The following FHAD1 variants were observed in gnomAD, a reference collection of about 807,000 sequenced individuals.
The protein encoded by FHAD1 is forkhead-associated domain-containing protein 1.
In FHAD1, 146 loss-of-function variants were observed where a neutral mutation model predicts 191.3. The observed-to-expected ratio is 0.76, with a 90% CI of 0.67 to 0.88. The LOEUF (loss-of-function observed/expected upper bound fraction) is 0.88, where lower values mean the gene tolerates loss of function less well. Ranked by LOEUF, FHAD1 falls within the 40% of genes least tolerant of loss-of-function variation. The probability of loss-of-function intolerance (pLI) is 0.00; values close to 1 mark genes in which losing one functional copy is unlikely to be tolerated. For synonymous variants in FHAD1, 616 were observed against 672.3 expected (o/e 0.92, Z 1.29); for missense variants, 1,635 against 1,785.8 (o/e 0.92, Z 1.52).
chr1:15,383,851 CACAGCGGCTGGTAAGG>C (rs766000361), intron 31 of FHAD1: 64 of 446,788 alleles, frequency 1.4e-4, no homozygotes, highest in Non-Finnish European at 2.5e-4. Context: ...CCCAAGTGCA[CACAGCGGCTGGTAAGG>C]ACAGCTGGGA....
In FHAD1 at chr1:15,301,241, C is replaced by T. The variant is rs1012646814; in HGVS notation, c.715C>T (p.Arg239Cys). ...TCTGCTGCTGGGAAAAGAGGTCAGC[C>T]GTCTCTCAGATTATGAAATTGAATC... The part of the protein sequence containing the change: ...IILLLGKEVS[R>C]LSDYEIESKY... The change falls in exon 6 of 34, where the codon CGT (arginine) becomes TGT (cysteine). Residue 239 changes from arginine (R) to cysteine (C), a missense_variant. By Grantham distance (180) the Arg-to-Cys change is radical. Transcript: ENST00000688493. The T allele has an allele frequency of 2.4e-5, 38 of 1,551,550 alleles. No homozygotes were observed. Among genetic ancestry groups the T allele is most frequent in the South Asian group, 4.8e-5 (4 of 84,050 alleles).
upstream of FHAD1, among the ~76,000 whole-genome samples, chr1:15,242,231 TAAAA>T (rs36173259): frequency 9.0e-3 from 1,107 of 122,532 alleles, 9 homozygotes; most frequent in African/African-American, 0.019. Context: ...AGACTCCATC[TAAAA>T]AAAAAAAAAA....
At chr1:15,375,372 T>C (rs1699300432) in intron 27 of FHAD1, among the ~76,000 whole-genome samples, 1 of 152,060 alleles carries the variant, frequency 6.6e-6, no homozygotes, top group African/African-American at 2.4e-5. Flanking sequence ...CTTAGCAAAG[T>C]CCACCCTCAA....
intron 20 of FHAD1, among the ~76,000 whole-genome samples, chr1:15,354,694 A>G (rs534451875): frequency 1.9e-4 from 29 of 152,342 alleles, no homozygotes; most frequent in African/African-American, 6.7e-4. Flanking sequence ...AAAGTATATC[A>G]TGAAATCAAC....
chr1:15,303,974 G>A (rs1361723094), intron 6 of FHAD1, among the ~76,000 whole-genome samples: 3 of 152,216 alleles, frequency 2.0e-5, no homozygotes, highest in African/African-American at 7.2e-5. Flanking sequence ...GCTAAAGGAT[G>A]CAGTTGGTCT....
rs1246906001 is a variant in FHAD1 at position 15,381,482 on chromosome 1, A to G, written c.4022+31A>G. 7 of 1,517,308 alleles carry G rather than the reference A, an allele frequency of 4.6e-6. No individual in the cohort carries two copies. In the East Asian group the frequency reaches 1.2e-4, roughly 27 times the overall value. The allele number at this position is 1,517,308 out of a possible 1,614,324, so 94.0% of individuals were successfully genotyped here. A position where few individuals can be genotyped will look rare whatever the true frequency, so the allele number is the denominator to read the frequency against. On this transcript the variant is annotated intron_variant, in intron 30 of 33. Coordinates refer to ENST00000688493, the MANE Select transcript of FHAD1 (RefSeq NM_001391957.1). The surrounding 1 kb of genome is among the most constrained non-coding windows in gnomAD (Gnocchi z 4.6). ...TCGGCACCCCCATGTCCCCACAGAA[A>G]GGCCCGGGCCTCCCTTCTCCTGGCT...
At chr1:15,239,020 G>A (rs1645076510) in intron 1 of FHAD1, among the ~76,000 whole-genome samples, 1 of 152,072 alleles carries the variant, frequency 6.6e-6, no homozygotes, top group Non-Finnish European at 1.5e-5. Context: ...CAATCCTCCT[G>A]CCTCAGCCTC....
Position 15,341,979 on chromosome 1 carries a change from A to G in FHAD1, c.2130+91A>G, listed in dbSNP as rs1036424001. 9 of 1,128,562 alleles carry G rather than the reference A, an allele frequency of 8.0e-6. No homozygotes were observed. The East Asian group carries it at 1.1e-4, about 14-fold the overall frequency. The allele number at this position is 1,128,562 out of a possible 1,614,324, so 69.9% of individuals were successfully genotyped here. ...TTGAGGGCATGTACTTAGACAGAGA[A>G]ATCTCAGCTACTCTGTTTGGTGCCA... is the stretch of plus-strand genomic sequence containing the variant. On this transcript the variant is annotated intron_variant, in intron 16 of 33. Transcript: ENST00000688493.
In FHAD1 at chr1:15,276,532, G is replaced by A. The variant is rs1055087120; in HGVS notation, c.300+4003G>A. ...GTATAGCCTAGGGGCCGGGCGTGGT[G>A]ACTCATGCCTGTAATCCCAGCACTT... is the stretch of plus-strand genomic sequence containing the variant. On this transcript the variant is annotated intron_variant, in intron 3 of 33. Coordinates refer to ENST00000688493, the MANE Select transcript of FHAD1 (RefSeq NM_001391957.1). This position sits in a 1 kb window ranked among gnomAD's most constrained non-coding sequence, Gnocchi z 4.7. 1.6e-4 allele frequency among the ~76,000 whole-genome samples: 25 copies of A among 152,174 alleles called. No homozygotes were observed. The highest frequency in any genetic ancestry group is 5.8e-4 in the African/African-American group (24 of 41,444).
intron 2 of FHAD1, among the ~76,000 whole-genome samples, chr1:15,257,144 G>A (rs942732945): frequency 5.3e-5 from 8 of 152,092 alleles, no homozygotes; most frequent in African/African-American, 1.9e-4. Flanking sequence ...ATCATTTCAC[G>A]GACGTGCGAG....
Position 15,289,540 on chromosome 1 carries a change from T to G in FHAD1, c.442T>G (p.Trp148Gly). The change falls in exon 4 of 34, where the codon TGG (tryptophan) becomes GGG (glycine). Residue 148 changes from tryptophan (W) to glycine (G), a missense_variant. Trp to Gly is a radical substitution (Grantham distance 184). Coordinates refer to ENST00000688493, the MANE Select transcript of FHAD1 (RefSeq NM_001391957.1). The surrounding 1 kb of genome is among the most constrained non-coding windows in gnomAD (Gnocchi z 4.2). ...CCAGCCAGCACCGATGCAAAGGAGCTGGTCCCAGGCCTTTCCCAGACCCAC... is the reference window on the plus strand; with the variant it reads ...CCAGCCAGCACCGATGCAAAGGAGCGGGTCCCAGGCCTTTCCCAGACCCAC... ...GVQPAPMQRS[W>G]SQAFPRPTVV... 2 of 1,551,830 alleles carry G rather than the reference T, an allele frequency of 1.3e-6. No individual in the cohort carries two copies. The highest frequency in any genetic ancestry group is 1.7e-6 in the Non-Finnish European group (2 of 1,147,020).
chr1:15,360,228 G>A (rs1428475479), intron 21 of FHAD1, among the ~76,000 whole-genome samples: 1 of 152,186 alleles, frequency 6.6e-6, no homozygotes. Context: ...AAAGTGTCTG[G>A]GGCTACTCCT....
chr1:15,296,251 ATTTTTTT>A (rs779409884), intron 4 of FHAD1, among the ~76,000 whole-genome samples: 1 of 134,598 alleles, frequency 7.4e-6, no homozygotes, highest in Non-Finnish European at 1.6e-5. Flanking sequence ...CCACTTTGTA[ATTTTTTT>A]TTTTTTTTTT....
chr1:15,277,518 A>G (rs1443610991), intron 3 of FHAD1, among the ~76,000 whole-genome samples: 4 of 152,262 alleles, frequency 2.6e-5, no homozygotes, highest in East Asian at 1.9e-4. Flanking sequence ...CAGTGTTCCC[A>G]AGATTGTGTA....
Position 15,374,620 on chromosome 1 carries a change from C to A in FHAD1, c.3566C>A (p.Ala1189Glu). 6.4e-7 allele frequency: 1 copy of A among 1,551,322 alleles called. No homozygotes were observed. The highest frequency in any genetic ancestry group is 1.2e-5 in the South Asian group (1 of 84,048). Residue 1189 changes from alanine to glutamate, a missense_variant, in exon 27 of 34, where the codon GCG becomes GAG. Transcript: ENST00000688493. ...GCGCGAATTAAAGAACTCGAGAAGG[C>A]GCGCTCACCAGGTAAGTCTCCTCCT... ...LRARIKELEK[A>E]RSPDHKDHQN... is the part of the protein sequence containing the mutation.
At chr1:15,341,649 AGGTAAACAATT>A (rs1474978508) in intron 15 of FHAD1, 76 bp from the exon 16 acceptor site, 2 of 1,182,158 alleles carry the variant, frequency 1.7e-6, no homozygotes, top group African/African-American at 3.1e-5. Context: ...GTACCCAGAA[AGGTAAACAATT>A]GGTAAACAAA....
intron 17 of FHAD1, 58 bp from the exon 18 acceptor site, chr1:15,345,358 C>A: frequency 6.8e-7 from 1 of 1,480,280 alleles, no homozygotes; most frequent in Non-Finnish European, 9.2e-7. Flanking sequence ...CGGTGCCTGG[C>A]AGAGTCCAGT....
intron 3 of FHAD1, among the ~76,000 whole-genome samples, chr1:15,282,012 C>T (rs997508749): frequency 1.3e-5 from 2 of 152,138 alleles, no homozygotes; most frequent in African/African-American, 2.4e-5. Flanking sequence ...CTAGCCTTGG[C>T]CACTGGAGCG....
rs1675224228 is a variant in FHAD1, at chr1:15,318,511, G to A, written c.1365+583G>A. Among the ~76,000 whole-genome samples, 1 of 152,140 alleles carries A rather than the reference G, an allele frequency of 6.6e-6. No individual in the cohort carries two copies. Among genetic ancestry groups the A allele is most frequent in the Admixed American group, 6.5e-5 (1 of 15,276 alleles). On this transcript the variant is annotated intron_variant, in intron 10 of 33. Transcript: ENST00000688493. This position sits in a 1 kb window ranked among gnomAD's most constrained non-coding sequence, Gnocchi z 4.1. ...TAGCCAGATGTGGTGGCGGAGGCCT[G>A]TAATTCCAGCCACTCAGGAGGCTGA...
Sources: allele counts gnomAD v4.1 joint callset (sites outside exome capture counted in the v4.1 genomes callset), GRCh38; gene constraint gnomAD v4.1.1; non-coding constraint Gnocchi (gnomAD v3.1); transcripts MANE v1.5; gene names NCBI Gene and HGNC (gene_info 2026-07-23, HGNC 2026-07-21).